TMEM116: variants seen among roughly 807,000 people sequenced by gnomAD.
TMEM116 encodes transmembrane protein 116.
Under a neutral mutation model 44.3 loss-of-function variants are expected in TMEM116, and 38 were observed. The observed-to-expected ratio is 0.86, with a 90% confidence interval of 0.66 to 1.12. TMEM116 has a LOEUF of 1.12. TMEM116 is among the 50% of genes most tolerant of loss of function. TMEM116 has a pLI of 0.00. For missense variants in TMEM116, 354 were observed against 401.7 expected (o/e 0.88, Z 1.01); for synonymous variants, 132 against 144.8 (o/e 0.91, Z 0.64).
chr12:111,940,498 C>CACACACACACAT (rs1428367550), intron 5 of TMEM116, among the ~76,000 whole-genome samples: 7 of 118,906 alleles, frequency 5.9e-5, no homozygotes, highest in African/African-American at 2.3e-4. Flanking sequence ...CACACACACA[C>CACACACACACAT]ATATATATAC....
chr12:111,979,040 C>T (rs1224382384), intron 4 of TMEM116, among the ~76,000 whole-genome samples: 1 of 152,028 alleles, frequency 6.6e-6, no homozygotes, highest in Non-Finnish European at 1.5e-5. Flanking sequence ...AAATGTAAAA[C>T]ACAAAAGTTC....
intron 3 of TMEM116, chr12:111,993,884 TC>T: frequency 1.4e-6 from 1 of 738,706 alleles, no homozygotes. Context: ...TCTCAAGTCC[TC>T]CAGAGACTTG....
intron 3 of TMEM116, among the ~76,000 whole-genome samples, chr12:111,999,467 A>C (rs1372291116): frequency 6.6e-6 from 1 of 152,014 alleles, no homozygotes; most frequent in East Asian, 1.9e-4. Context: ...ATGCTGGCGC[A>C]TGCCTGTAAT....
At chr12:111,970,515 C>A (rs531400528) in intron 4 of TMEM116, among the ~76,000 whole-genome samples, 1 of 150,890 alleles carries the variant, frequency 6.6e-6, no homozygotes, top group South Asian at 2.1e-4. Context: ...CCAATAGATT[C>A]AAAAACCCAA....
At chr12:111,972,280 T>A (rs888745777) in intron 4 of TMEM116, among the ~76,000 whole-genome samples, 3 of 152,056 alleles carry the variant, frequency 2.0e-5, no homozygotes, top group African/African-American at 7.2e-5. Flanking sequence ...TGTCACTTAA[T>A]CAAGAGGTCA....
At chr12:111,986,221 T>C (rs765940192) in intron 4 of TMEM116, among the ~76,000 whole-genome samples, 22 of 151,938 alleles carry the variant, frequency 1.4e-4, no homozygotes, top group Middle Eastern at 3.2e-3. Flanking sequence ...TAGCCAGCTG[T>C]GGTGATGTGC....
At chr12:111,949,221 A>G (rs1185367718) in intron 4 of TMEM116, among the ~76,000 whole-genome samples, 3 of 152,224 alleles carry the variant, frequency 2.0e-5, no homozygotes, top group Non-Finnish European at 4.4e-5. Context: ...TTTTATAAAG[A>G]AAAGTAAAAT....
At chr12:111,992,300 C>T (rs1248112825) in intron 3 of TMEM116, among the ~76,000 whole-genome samples, 7 of 146,662 alleles carry the variant, frequency 4.8e-5, no homozygotes, top group African/African-American at 1.5e-4. Context: ...GACAGAGTTT[C>T]GCTCTGTCGC....
intron 5 of TMEM116, among the ~76,000 whole-genome samples, chr12:111,942,328 T>TGGC: frequency 6.6e-6 from 1 of 151,868 alleles, no homozygotes; most frequent in South Asian, 2.1e-4. Context: ...TGGAGTGCAG[T>TGGC]GTGGCATGAT....
At chr12:111,951,054 G>A (rs2073698625) in intron 4 of TMEM116, among the ~76,000 whole-genome samples, 1 of 152,164 alleles carries the variant, frequency 6.6e-6, no homozygotes, top group South Asian at 2.1e-4. Context: ...AGACATACAT[G>A]CAGCCAACAA....
At chr12:111,992,586 T>C (rs1273206169) in intron 3 of TMEM116, among the ~76,000 whole-genome samples, 1 of 152,168 alleles carries the variant, frequency 6.6e-6, no homozygotes, top group Admixed American at 6.5e-5. Flanking sequence ...AAATGAGGTA[T>C]TCTGCTAAGT....
Position 111,979,720 on chromosome 12 carries a change from T to C in TMEM116, c.210+12038A>G, listed in dbSNP as rs561704305. 3.9e-5 allele frequency among the ~76,000 whole-genome samples: 6 copies of C among 152,234 alleles called. No homozygotes were observed. The South Asian group carries it at 8.3e-4, about 21-fold the overall frequency. The stretch of plus-strand genomic sequence containing the variant: ...TGGAAGAAAACATTTCCAAAATACA[T>C]TGACTGAGGAACTGTATCCACAATA... On this transcript the variant is annotated intron_variant, in intron 4 of 10. Coordinates refer to ENST00000552374, the MANE Select transcript of TMEM116 (RefSeq NM_001193531.2).
intron 4 of TMEM116, among the ~76,000 whole-genome samples, chr12:111,969,625 G>A (rs957297216): frequency 3.3e-5 from 5 of 151,436 alleles, no homozygotes; most frequent in South Asian, 2.1e-4. Flanking sequence ...TCGCCCAGGC[G>A]GGACTGCAAT....
intron 4 of TMEM116, among the ~76,000 whole-genome samples, chr12:111,971,785 A>G (rs1364341421): frequency 6.6e-6 from 1 of 152,112 alleles, no homozygotes; most frequent in South Asian, 2.1e-4. Flanking sequence ...AATTAAAATT[A>G]AAAAAATAGG....
At chr12:112,000,825 T>C in intron 3 of TMEM116, 1 of 505,622 alleles carries the variant, frequency 2.0e-6, no homozygotes. Flanking sequence ...TTGAATACGG[T>C]TCATTAGCTG....
chr12:111,976,609 AAC>A (rs1299270189), intron 4 of TMEM116, among the ~76,000 whole-genome samples: 2 of 152,238 alleles, frequency 1.3e-5, no homozygotes, highest in African/African-American at 4.8e-5. Flanking sequence ...AAGAAAAACA[AAC>A]ACAGTCTGAC....
chr12:111,948,574 T>C (rs574508720), intron 4 of TMEM116, among the ~76,000 whole-genome samples: 1 of 152,274 alleles, frequency 6.6e-6, no homozygotes, highest in South Asian at 2.1e-4. Context: ...CATCTCAAAC[T>C]TGGTACATAA....
chr12:112,002,163 T>A (rs1025860900), intron 3 of TMEM116, among the ~76,000 whole-genome samples: 1 of 152,016 alleles, frequency 6.6e-6, no homozygotes. Context: ...GTATTGACTT[T>A]TAAAAATCCT....
intron 1 of TMEM116, chr12:112,010,606 G>A (rs2077792873): frequency 6.6e-6 from 1 of 152,350 alleles, no homozygotes; most frequent in Non-Finnish European, 1.5e-5. Context: ...CAGAAGAGAG[G>A]AGGCCCTGGA....
Sources: allele counts gnomAD v4.1 joint callset (sites outside exome capture counted in the v4.1 genomes callset), GRCh38; gene constraint gnomAD v4.1.1; transcripts MANE v1.5; gene names NCBI Gene and HGNC (gene_info 2026-07-23, HGNC 2026-07-21).